Variants in POU2F3 observed in about 807,000 individuals in gnomAD.
POU2F3 encodes the protein POU class 2 homeobox 3.
POU2F3 carries 23 observed loss-of-function variants against 59.2 expected under a neutral mutation model. The observed-to-expected ratio is 0.39, with a 90% CI of 0.28 to 0.55. POU2F3 has a LOEUF of 0.55. POU2F3 is among the 20% of genes least tolerant of loss of function. The probability of loss-of-function intolerance (pLI) is 0.66; values close to 1 mark genes in which losing one functional copy is unlikely to be tolerated. For synonymous variants in POU2F3, 190 were observed against 214.6 expected (o/e 0.89, Z 1.00); for missense variants, 473 against 544.5 (o/e 0.87, Z 1.31).
Position 120,240,251 on chromosome 11 carries a change from T to C in POU2F3, c.-93T>C. 8.0e-7 allele frequency: 1 copy of C among 1,255,892 alleles called. No homozygotes were observed. The highest frequency in any genetic ancestry group is 1.0e-6 in the Non-Finnish European group (1 of 993,160). 77.8% of individuals were successfully genotyped at this position (1,255,892 alleles called of 1,614,324 possible). A position where few individuals can be genotyped will look rare whatever the true frequency, so the allele number is the denominator to read the frequency against. Reference sequence around the variant, plus strand: ...TCCCGCGGCGGCGGCGGCCGGGAACTGGAGGAAGGAGACCCTGGCTTCGCA... The same window carrying C: ...TCCCGCGGCGGCGGCGGCCGGGAACCGGAGGAAGGAGACCCTGGCTTCGCA... On this transcript the variant is annotated 5_prime_UTR_variant, in exon 1 of 13. Coordinates refer to ENST00000543440, the MANE Select transcript of POU2F3 (RefSeq NM_014352.4).
chr11:120,251,556 C>T (rs1939101249), intron 2 of POU2F3, among the ~76,000 whole-genome samples: 1 of 152,148 alleles, frequency 6.6e-6, no homozygotes, highest in Non-Finnish European at 1.5e-5. Context: ...TGTACTGGCT[C>T]CATCCCTCAC....
intron 5 of POU2F3, among the ~76,000 whole-genome samples, chr11:120,300,391 G>A (rs1036711178): frequency 6.6e-6 from 1 of 152,106 alleles, no homozygotes; most frequent in African/African-American, 2.4e-5. Flanking sequence ...TTCCAGAACC[G>A]TTTAGCTGAG....
chr11:120,278,194 C>T (rs1160912120), intron 3 of POU2F3, among the ~76,000 whole-genome samples: 1 of 152,174 alleles, frequency 6.6e-6, no homozygotes, highest in Non-Finnish European at 1.5e-5. Context: ...TGTTCACCGA[C>T]ACAGATGTCC....
intron 11 of POU2F3, among the ~76,000 whole-genome samples, chr11:120,315,800 G>A (rs1324666559): frequency 1.3e-5 from 2 of 151,752 alleles, no homozygotes; most frequent in Non-Finnish European, 2.9e-5. Flanking sequence ...ATGCCCAAGG[G>A]TGGCCAGGAC....
chr11:120,317,164 T>C (rs1269555715), intron 11 of POU2F3, 65 bp from the exon 12 acceptor site: 4 of 1,581,618 alleles, frequency 2.5e-6, no homozygotes, highest in Middle Eastern at 1.7e-4. Flanking sequence ...TGAGGGGCTA[T>C]GTCCCGATGT....
chr11:120,297,158 G>A (rs1345085235), intron 3 of POU2F3, among the ~76,000 whole-genome samples: 1 of 152,180 alleles, frequency 6.6e-6, no homozygotes, highest in Non-Finnish European at 1.5e-5. Context: ...TCTAGAGCTC[G>A]TGCCCCCATC....
intron 1 of POU2F3, among the ~76,000 whole-genome samples, chr11:120,242,955 C>T (rs2847498): frequency 0.51 from 77,728 of 151,818 alleles, 22,757 homozygotes; most frequent in Non-Finnish European, 0.68. Flanking sequence ...AGCCAGCGGG[C>T]GGGGGCACAC....
intron 2 of POU2F3, among the ~76,000 whole-genome samples, chr11:120,252,190 C>T (rs1425810786): frequency 6.6e-6 from 1 of 150,772 alleles, no homozygotes; most frequent in Non-Finnish European, 1.5e-5. Flanking sequence ...AGCCCATTAC[C>T]TCTTGTTCTG....
chr11:120,279,408 G>C (rs1940468771), intron 3 of POU2F3, among the ~76,000 whole-genome samples: 1 of 152,132 alleles, frequency 6.6e-6, no homozygotes, highest in East Asian at 1.9e-4. Flanking sequence ...ATAAACATTA[G>C]CTCTTATTAT....
intron 3 of POU2F3, among the ~76,000 whole-genome samples, chr11:120,276,358 G>A (rs1940325270): frequency 6.6e-6 from 1 of 152,196 alleles, no homozygotes; most frequent in Non-Finnish European, 1.5e-5. Context: ...GGAGGTCAGT[G>A]GGGCTGGTTC....
chr11:120,300,700 G>A (rs765513055), intron 5 of POU2F3, among the ~76,000 whole-genome samples: 23 of 152,106 alleles, frequency 1.5e-4, no homozygotes, highest in African/African-American at 3.1e-4. Context: ...GGAGGCAGAG[G>A]TTGCAGTGAG....
intron 7 of POU2F3, 124 bp from the exon 8 acceptor site, chr11:120,305,520 A>T: frequency 7.1e-7 from 1 of 1,401,744 alleles, no homozygotes; most frequent in Non-Finnish European, 9.7e-7. Flanking sequence ...AAAGGAGCCG[A>T]GCATGGGTGA....
chr11:120,250,885 G>A (rs1939068145), intron 2 of POU2F3, among the ~76,000 whole-genome samples: 1 of 152,040 alleles, frequency 6.6e-6, no homozygotes, highest in African/African-American at 2.4e-5. Flanking sequence ...GCTGAGGCAG[G>A]AGAATTGCTT....
At chr11:120,305,966 G>T (rs1029611747) in intron 8 of POU2F3, among the ~76,000 whole-genome samples, 181 bp downstream of exon 8, 1 of 151,962 alleles carries the variant, frequency 6.6e-6, no homozygotes, top group Non-Finnish European at 1.5e-5. Context: ...GTGTCAGCTC[G>T]ACTACTGAGA....
At chr11:120,302,158 T>C (rs1396139467) in intron 5 of POU2F3, 128 bp from the exon 6 acceptor site, 13 of 726,738 alleles carry the variant, frequency 1.8e-5, no homozygotes, top group Non-Finnish European at 2.8e-5. Flanking sequence ...GGACTTGAGG[T>C]GGGTGGAGGG....
intron 3 of POU2F3, among the ~76,000 whole-genome samples, chr11:120,276,134 C>T (rs1050256638): frequency 6.6e-6 from 1 of 152,052 alleles, no homozygotes; most frequent in Non-Finnish European, 1.5e-5. Context: ...AGAGTAAGTG[C>T]CCCCCCACAA....
Position 120,302,553 on chromosome 11 carries a change from T to C in POU2F3, c.444+185T>C, listed in dbSNP as rs544550410. On this transcript the variant is annotated intron_variant, in intron 6 of 12. Transcript: ENST00000543440. ...GCAAGTGGGGGGACAATTTACCAAG[T>C]GTCACTGGTGGGGCCACAGTTAGAA... is the stretch of plus-strand genomic sequence containing the variant. 1.9e-5 allele frequency: 11 copies of C among 570,418 alleles called. No individual in the cohort carries two copies. In the African/African-American group the frequency reaches 2.1e-4, roughly 11 times the overall value. The allele number at this position is 570,418 out of a possible 1,614,324, so 35.3% of individuals were successfully genotyped here. A position where few individuals can be genotyped will look rare whatever the true frequency, so the allele number is the denominator to read the frequency against.
Position 120,318,557 on chromosome 11 carries a change from T to G in POU2F3, c.*165T>G. 1.5e-6 allele frequency: 1 copy of G among 668,722 alleles called. No individual in the cohort carries two copies. Among genetic ancestry groups the G allele is most frequent in the Non-Finnish European group, 2.6e-6 (1 of 389,984 alleles). The allele number at this position is 668,722 out of a possible 1,614,324, so 41.4% of individuals were successfully genotyped here. On this transcript the variant is annotated 3_prime_UTR_variant, in exon 13 of 13. Transcript: ENST00000543440. Reference sequence around the variant, plus strand: ...CTTCAAGAGCAAGGGCCTCCGGAGATCCAAACTGTGATTGAACCAAGTGCA... The same window carrying G: ...CTTCAAGAGCAAGGGCCTCCGGAGAGCCAAACTGTGATTGAACCAAGTGCA...
At chr11:120,305,830 C>T in intron 8 of POU2F3, 45 bp downstream of exon 8, 3 of 1,605,004 alleles carry the variant, frequency 1.9e-6, no homozygotes, top group Non-Finnish European at 2.6e-6. Context: ...GAGGGCTCTG[C>T]AGGGAAGGGC....
Sources: allele counts gnomAD v4.1 joint callset (sites outside exome capture counted in the v4.1 genomes callset), GRCh38; gene constraint gnomAD v4.1.1; transcripts MANE v1.5; gene names NCBI Gene and HGNC (gene_info 2026-07-23, HGNC 2026-07-21).